The following CLIP4 variants were observed in gnomAD, a reference collection of about 807,000 sequenced individuals.
CLIP4 encodes the protein CAP-Gly domain containing linker protein family member 4, also known as CAP-Gly domain-containing linker protein 4.
Under a neutral mutation model 73.1 loss-of-function variants are expected in CLIP4, and 47 were observed. The ratio of observed to expected loss-of-function variants is 0.64; its 90% confidence interval spans 0.51 to 0.82. The LOEUF (loss-of-function observed/expected upper bound fraction) is 0.82. Among genes scored for constraint, CLIP4 ranks in the 40% least tolerant of loss-of-function variants. The pLI is 0.00. For missense variants in CLIP4, 874 were observed against 852.9 expected (o/e 1.02, Z -0.31); for synonymous variants, 306 against 295.4 (o/e 1.04, Z -0.37).
intron 1 of CLIP4, among the ~76,000 whole-genome samples, chr2:29,104,251 G>A (rs1218121374): frequency 2.0e-5 from 3 of 151,990 alleles, no homozygotes. Context: ...ATCCTTCACA[G>A]ACCAAATCTC....
chr2:29,127,055 T>C (rs1263847246), intron 2 of CLIP4, among the ~76,000 whole-genome samples: 2 of 152,158 alleles, frequency 1.3e-5, no homozygotes, highest in African/African-American at 4.8e-5. Flanking sequence ...CACAGGCTAA[T>C]TTGTTCGCAA....
chr2:29,110,847 C>T (rs1668366364), upstream of CLIP4, among the ~76,000 whole-genome samples: 1 of 152,126 alleles, frequency 6.6e-6, no homozygotes, highest in East Asian at 1.9e-4. Flanking sequence ...CGCCACCATG[C>T]CTGGCTAATT....
intron 15 of CLIP4, among the ~76,000 whole-genome samples, chr2:29,180,930 C>T (rs556607625): frequency 6.6e-6 from 1 of 151,898 alleles, no homozygotes; most frequent in African/African-American, 2.4e-5. Flanking sequence ...TAAAATAGCG[C>T]AAAAGACAAA....
intron 1 of CLIP4, chr2:29,118,209 A>T (rs1664001873): frequency 1.3e-5 from 2 of 152,318 alleles, no homozygotes; most frequent in South Asian, 2.1e-4. Context: ...CTCTTGAACC[A>T]TATCTCAAAT....
At chr2:29,118,934 C>T (rs1664066055) in intron 1 of CLIP4, among the ~76,000 whole-genome samples, 1 of 152,138 alleles carries the variant, frequency 6.6e-6, no homozygotes, top group Non-Finnish European at 1.5e-5. Flanking sequence ...GATCAGTATA[C>T]TTAGACATTT....
At chr2:29,162,493 C>G (rs1006244969) in intron 12 of CLIP4, among the ~76,000 whole-genome samples, 1 of 152,166 alleles carries the variant, frequency 6.6e-6, no homozygotes, top group African/African-American at 2.4e-5. Context: ...AAAGTGTAGT[C>G]TTTATTGTTA....
At position 29,183,291 on chromosome 2, in the gene CLIP4, A is replaced by G. The variant is rs779431905; in HGVS notation, c.*1398A>G. On this transcript the variant is annotated 3_prime_UTR_variant, in exon 16 of 16. Transcript: ENST00000320081. The stretch of plus-strand genomic sequence containing the variant: ...GTGCTTAGAAATAATATGTTGAACT[A>G]TTTTGCAATATACTATTTTAAATCT... The G allele has an allele frequency of 2.0e-5, 3 of 152,618 alleles. No individual in the cohort carries two copies. Among genetic ancestry groups the G allele is most frequent in the Admixed American group, 2.0e-4 (3 of 15,280 alleles). 9.5% of individuals were successfully genotyped at this position (152,618 alleles called of 1,614,324 possible).
intron 7 of CLIP4, among the ~76,000 whole-genome samples, chr2:29,144,746 T>C (rs563022415): frequency 1.3e-5 from 2 of 150,840 alleles, no homozygotes; most frequent in Admixed American, 1.3e-4. Flanking sequence ...GTATGGAGAA[T>C]GGAACAGGGA....
At chr2:29,133,534 T>C (rs1471472746) in intron 4 of CLIP4, 121 bp from the exon 5 acceptor site, 1 of 779,424 alleles carries the variant, frequency 1.3e-6, no homozygotes, top group East Asian at 2.9e-5. Context: ...CAAGTGAAAT[T>C]TTTGAAGTGT....
chr2:29,161,886 G>A (rs1667316060), intron 12 of CLIP4, among the ~76,000 whole-genome samples: 1 of 152,086 alleles, frequency 6.6e-6, no homozygotes, highest in Admixed American at 6.5e-5. Flanking sequence ...TAAGACATGC[G>A]GAAACATGAC....
chr2:29,170,505 T>C (rs1667932201), intron 14 of CLIP4, among the ~76,000 whole-genome samples: 3 of 152,232 alleles, frequency 2.0e-5, no homozygotes, highest in African/African-American at 7.2e-5. Context: ...ATACCAAACA[T>C]GTATCAGACA....
At position 29,183,261 on chromosome 2, in the gene CLIP4, G is replaced by C. The variant is rs1430306916; in HGVS notation, c.*1368G>C. Reference sequence around the variant, plus strand: ...AAAAGCATCCTTCAGAATGGAGCTTGCCTTGTGCTTAGAAATAATATGTTG... The same window carrying C: ...AAAAGCATCCTTCAGAATGGAGCTTCCCTTGTGCTTAGAAATAATATGTTG... On this transcript the variant is annotated 3_prime_UTR_variant, in exon 16 of 16. Coordinates refer to ENST00000320081, the MANE Select transcript of CLIP4 (RefSeq NM_024692.6). 2 of 152,636 alleles carry C rather than the reference G, an allele frequency of 1.3e-5. No individual in the cohort carries two copies. The highest frequency in any genetic ancestry group is 2.9e-5 in the Non-Finnish European group (2 of 68,012). 9.5% of individuals were successfully genotyped at this position (152,636 alleles called of 1,614,324 possible).
intron 2 of CLIP4, among the ~76,000 whole-genome samples, chr2:29,124,419 C>G (rs887237345): frequency 6.6e-6 from 1 of 151,930 alleles, no homozygotes; most frequent in African/African-American, 2.4e-5. Flanking sequence ...AGCAATTTTA[C>G]TATTATGTGC....
intron 15 of CLIP4, among the ~76,000 whole-genome samples, chr2:29,179,700 G>T (rs545245358): frequency 5.5e-4 from 83 of 152,254 alleles, no homozygotes; most frequent in African/African-American, 1.9e-3. Flanking sequence ...CAGTAATTTT[G>T]TCAGGTTACA....
chr2:29,134,555 A>G (rs1009577597), intron 5 of CLIP4, among the ~76,000 whole-genome samples: 3 of 151,918 alleles, frequency 2.0e-5, no homozygotes, highest in Admixed American at 6.6e-5. Context: ...TTTCTAAGTG[A>G]TGTTGGGAAG....
chr2:29,150,865 T>G (rs1051527963), intron 8 of CLIP4, among the ~76,000 whole-genome samples: 38 of 152,010 alleles, frequency 2.5e-4, no homozygotes, highest in Non-Finnish European at 4.9e-4. Context: ...GGTGATCCGC[T>G]TGCCTCGGCC....
At chr2:29,164,447 A>G (rs1667477256) in intron 13 of CLIP4, among the ~76,000 whole-genome samples, 1 of 152,214 alleles carries the variant, frequency 6.6e-6, no homozygotes, top group Non-Finnish European at 1.5e-5. Context: ...AAGGATTTTT[A>G]TATAATATAT....
chr2:29,130,985 G>A, intron 2 of CLIP4: 3 of 1,081,142 alleles, frequency 2.8e-6, no homozygotes, highest in Non-Finnish European at 3.7e-6. Context: ...CTAGCTGTGC[G>A]ATGTTGAGCT....
At chr2:29,128,458 A>C (rs963447678) in intron 2 of CLIP4, among the ~76,000 whole-genome samples, 10 of 151,996 alleles carry the variant, frequency 6.6e-5, no homozygotes, top group Non-Finnish European at 1.2e-4. Flanking sequence ...ACAAAAAAAA[A>C]CAAAACCCCT....
Sources: allele counts gnomAD v4.1 joint callset (sites outside exome capture counted in the v4.1 genomes callset), GRCh38; gene constraint gnomAD v4.1.1; transcripts MANE v1.5; gene names NCBI Gene and HGNC (gene_info 2026-07-23, HGNC 2026-07-21).